The following HIF1A variants were observed in gnomAD, a reference collection of about 807,000 sequenced individuals.
HIF1A encodes the protein hypoxia-inducible factor 1-alpha.
In HIF1A, 24 loss-of-function variants were observed where a neutral mutation model predicts 92.7. The ratio of observed to expected loss-of-function variants is 0.26; its 90% CI spans 0.19 to 0.36. The LOEUF (loss-of-function observed/expected upper bound fraction) is 0.36, where lower values mean the gene tolerates loss of function less well. Ranked by LOEUF, HIF1A falls within the 10% of genes least tolerant of loss-of-function variation. The probability of loss-of-function intolerance (pLI) is 1.00; values close to 1 mark genes in which losing one functional copy is unlikely to be tolerated. For synonymous variants in HIF1A, 319 were observed against 338.7 expected (o/e 0.94, Z 0.64); for missense variants, 799 against 998.5 (o/e 0.80, Z 2.69).
chr14:61,720,599 A>C (rs1276933228), intron 2 of HIF1A, 27 bp downstream of exon 2: 1 of 1,404,656 alleles, frequency 7.1e-7, no homozygotes, highest in South Asian at 1.4e-5. Flanking sequence ...GGGTATAAAT[A>C]GGCCTGAAAA....
chr14:61,720,756 C>G (rs1381432184), intron 2 of HIF1A, among the ~76,000 whole-genome samples, 184 bp downstream of exon 2: 8 of 152,126 alleles, frequency 5.3e-5, no homozygotes. Context: ...TTTTTCTCAT[C>G]AGTTATTCTT....
At chr14:61,721,237 T>C (rs1224196011) in intron 2 of HIF1A, among the ~76,000 whole-genome samples, 1 of 152,134 alleles carries the variant, frequency 6.6e-6, no homozygotes, top group Admixed American at 6.6e-5. Context: ...TGAGACTCCA[T>C]CTCAAAAATA....
chr14:61,722,230 G>A (rs2044440323), intron 4 of HIF1A, among the ~76,000 whole-genome samples: 1 of 152,098 alleles, frequency 6.6e-6, no homozygotes, highest in African/African-American at 2.4e-5. Flanking sequence ...GACCACAGAC[G>A]CGTGCTACCA....
rs369821772 is a variant in HIF1A, at chr14:61,746,623, G to C, written c.2330-311G>C. 2.0e-5 allele frequency among the ~76,000 whole-genome samples: 3 copies of C among 152,004 alleles called. No individual in the cohort carries two copies. In the East Asian group the frequency reaches 5.8e-4, roughly 29 times the overall value. Reference sequence around the variant, plus strand: ...TTGCCTAGGCTGGTTTCAAACTCCTGGCCTCAAGTGATCCTCCTGCCTCAG... The same window carrying C: ...TTGCCTAGGCTGGTTTCAAACTCCTCGCCTCAAGTGATCCTCCTGCCTCAG... On this transcript the variant is annotated intron_variant, in intron 14 of 14. Coordinates refer to ENST00000337138, the MANE Select transcript of HIF1A (RefSeq NM_001530.4).
chr14:61,723,589 T>A (rs556136269), intron 4 of HIF1A, among the ~76,000 whole-genome samples: 2 of 152,344 alleles, frequency 1.3e-5, no homozygotes, highest in East Asian at 3.9e-4. Flanking sequence ...TTTAGAATTC[T>A]GTATAAAGGA....
intron 1 of HIF1A, among the ~76,000 whole-genome samples, chr14:61,699,195 G>C (rs1368755056): frequency 2.0e-5 from 3 of 152,116 alleles, no homozygotes; most frequent in Non-Finnish European, 4.4e-5. Flanking sequence ...TCTTCCACAC[G>C]TGTGTATTTA....
rs1228951010 is a variant in HIF1A at position 61,747,810 on chromosome 14, A to AAATCATCTGATGTTTCT, written c.*727_*743dup. On this transcript the variant is annotated 3_prime_UTR_variant, in exon 15 of 15. Transcript: ENST00000337138. The stretch of plus-strand genomic sequence containing the variant: ...TTTGGATAAAATTCTCAATTCAGAG[A>AAATCATCTGATGTTTCT]AATCATCTGATGTTTCTATAGTCAC... The AAATCATCTGATGTTTCT allele has an allele frequency of 6.6e-6, 1 of 152,590 alleles. No homozygotes were observed. The highest frequency in any genetic ancestry group is 1.9e-4 in the East Asian group (1 of 5,198). 9.5% of individuals were successfully genotyped at this position (152,590 alleles called of 1,614,324 possible).
At chr14:61,737,885 G>C (rs540282678) in intron 9 of HIF1A, among the ~76,000 whole-genome samples, 3 of 152,166 alleles carry the variant, frequency 2.0e-5, no homozygotes, top group Non-Finnish European at 4.4e-5. Context: ...AAGTTAGCTG[G>C]GCGTGGTGGT....
At chr14:61,734,874 A>T (rs1566574245) in intron 8 of HIF1A, among the ~76,000 whole-genome samples, 1 of 152,248 alleles carries the variant, frequency 6.6e-6, no homozygotes, top group East Asian at 1.9e-4. Flanking sequence ...ACAAACCTGC[A>T]CGTTGTGCAC....
intron 1 of HIF1A, among the ~76,000 whole-genome samples, chr14:61,705,487 C>G (rs2044229394): frequency 6.6e-6 from 1 of 152,114 alleles, no homozygotes. Flanking sequence ...ATTACCAAAT[C>G]CGCCTTTTGT....
chr14:61,735,898 C>T (rs2044630591), intron 8 of HIF1A, among the ~76,000 whole-genome samples: 1 of 152,126 alleles, frequency 6.6e-6, no homozygotes, highest in Non-Finnish European at 1.5e-5. Flanking sequence ...GTCAGCACAA[C>T]AATTCTGAAG....
At chr14:61,741,645 AG>A (rs2044713798) in intron 12 of HIF1A, among the ~76,000 whole-genome samples, 1 of 152,186 alleles carries the variant, frequency 6.6e-6, no homozygotes, top group Non-Finnish European at 1.5e-5. Context: ...CTGGGATTAC[AG>A]GTGTGAGCCA....
intron 14 of HIF1A, 66 bp downstream of exon 14, chr14:61,745,883 A>G (rs2044776869): frequency 3.7e-6 from 5 of 1,363,314 alleles, no homozygotes; most frequent in Middle Eastern, 1.9e-4. Flanking sequence ...TTTATTTAGG[A>G]GCTTTAATCT....
At chr14:61,697,590 C>T in intron 1 of HIF1A, 1 of 692,116 alleles carries the variant, frequency 1.4e-6, no homozygotes, top group East Asian at 7.3e-5. Flanking sequence ...TTAGATTTTC[C>T]TCAGCCCATC....
chr14:61,725,324 A>G (rs1242550292), intron 4 of HIF1A, among the ~76,000 whole-genome samples: 2 of 152,240 alleles, frequency 1.3e-5, no homozygotes, highest in Non-Finnish European at 2.9e-5. Context: ...TACAATATCT[A>G]GTCCAGGTTC....
At chr14:61,720,068 CT>C (rs1683286388) in intron 1 of HIF1A, among the ~76,000 whole-genome samples, 1 of 152,178 alleles carries the variant, frequency 6.6e-6, no homozygotes, top group Non-Finnish European at 1.5e-5. Context: ...GTACAGGCTA[CT>C]TTAAATTTTT....
chr14:61,744,888 TGTG>T, intron 13 of HIF1A, 75 bp downstream of exon 13: 1 of 637,742 alleles, frequency 1.6e-6, no homozygotes, highest in Non-Finnish European at 2.8e-6. Flanking sequence ...TGTGTGTGTG[TGTG>T]TGTTTCCACG....
At chr14:61,740,705 A>T in intron 11 of HIF1A, 50 bp from the exon 12 acceptor site, 1 of 1,548,664 alleles carries the variant, frequency 6.5e-7, no homozygotes, top group African/African-American at 1.4e-5. Flanking sequence ...CTTGTTTTTT[A>T]TTTATAAGGT....
In HIF1A at chr14:61,732,540, G is replaced by A; in HGVS notation, c.880+16G>A. On this transcript the variant is annotated intron_variant, in intron 7 of 14. Coordinates refer to ENST00000337138, the MANE Select transcript of HIF1A (RefSeq NM_001530.4). The stretch of plus-strand genomic sequence containing the variant: ...CATCATGATAGTAAGTACAATGGAA[G>A]AACTCAGAGATATTCTAATTACTTA... 1 of 1,402,894 alleles carries A rather than the reference G, an allele frequency of 7.1e-7. No homozygotes were observed. Among genetic ancestry groups the A allele is most frequent in the Non-Finnish European group, 1.0e-6 (1 of 990,372 alleles). The allele number at this position is 1,402,894 out of a possible 1,614,324, so 86.9% of individuals were successfully genotyped here.
Sources: allele counts gnomAD v4.1 joint callset (sites outside exome capture counted in the v4.1 genomes callset), GRCh38; gene constraint gnomAD v4.1.1; transcripts MANE v1.5; gene names NCBI Gene and HGNC (gene_info 2026-07-23, HGNC 2026-07-21).